The following COL13A1 variants were observed in gnomAD, a reference collection of about 807,000 sequenced individuals.
COL13A1 encodes collagen type XIII alpha 1 chain.
COL13A1 carries 89 observed loss-of-function variants against 130.9 expected under a neutral mutation model. That is an observed-to-expected ratio of 0.68 (90% confidence interval 0.57 to 0.81). COL13A1 has a LOEUF of 0.81. Ranked by LOEUF, COL13A1 falls within the 30% of genes least tolerant of loss-of-function variation. The pLI, the probability that COL13A1 is intolerant of heterozygous loss-of-function variation, is 0.00. For missense variants in COL13A1, 879 were observed against 934.6 expected (o/e 0.94, Z 0.78); for synonymous variants, 402 against 341.6 (o/e 1.18, Z -1.95).
chr10:69,930,035 G>C lies in COL13A1; in HGVS notation c.1486-8G>C. On this transcript the variant is annotated splice_polypyrimidine_tract_variant and splice_region_variant and intron_variant, in intron 28 of 40. Coordinates refer to ENST00000645393, the MANE Select transcript of COL13A1 (RefSeq NM_001368882.1). The stretch of plus-strand genomic sequence containing the variant: ...CCTGAGAGTCACCTTTAGTTGTTCC[G>C]GTTACAGGGGGAGATTGGACTGCCA... 6.2e-7 allele frequency: 1 copy of C among 1,613,768 alleles called. No individual in the cohort carries two copies. The highest frequency in any genetic ancestry group is 8.5e-7 in the Non-Finnish European group (1 of 1,179,674).
In COL13A1 at chr10:69,894,596, C is replaced by T; in HGVS notation, c.630+18C>T. 2 of 1,614,022 alleles carry T rather than the reference C, an allele frequency of 1.2e-6. No individual in the cohort carries two copies. The highest frequency in any genetic ancestry group is 3.3e-5 in the Admixed American group (2 of 60,028). Reference sequence around the variant, plus strand: ...GACAGCCGGTTGGTACCTCATCCATCTATTTCCCAGCAGAGAAGCTTCCGG... The same window carrying T: ...GACAGCCGGTTGGTACCTCATCCATTTATTTCCCAGCAGAGAAGCTTCCGG... On this transcript the variant is annotated intron_variant, in intron 11 of 40. Transcript: ENST00000645393.
intron 2 of COL13A1, among the ~76,000 whole-genome samples, chr10:69,829,870 C>T (rs938970480): frequency 6.6e-6 from 1 of 152,240 alleles, no homozygotes; most frequent in Non-Finnish European, 1.5e-5. Context: ...TCAGAAATTC[C>T]TGGGGAATTC....
chr10:69,823,467 G>A (rs1227764), intron 2 of COL13A1, among the ~76,000 whole-genome samples: 91,531 of 152,080 alleles, frequency 0.6, 28,107 homozygotes, highest in South Asian at 0.74. Context: ...CCAGCTCAGC[G>A]TGTGGCCTCC....
At chr10:69,930,217 G>C in intron 29 of COL13A1, 130 bp downstream of exon 29, 2 of 1,090,250 alleles carry the variant, frequency 1.8e-6, no homozygotes, top group South Asian at 1.5e-5. Context: ...AGATGGGGGG[G>C]GGCAGGGAGA....
chr10:69,922,057 G>T, intron 22 of COL13A1, 122 bp downstream of exon 22: 3 of 1,257,274 alleles, frequency 2.4e-6, no homozygotes, highest in Non-Finnish European at 2.2e-6. Flanking sequence ...AGGAAAGGCA[G>T]CTGGAACACA....
chr10:69,822,333 C>T, intron 1 of COL13A1, 36 bp from the exon 2 acceptor site: 2 of 1,529,840 alleles, frequency 1.3e-6, no homozygotes, highest in Non-Finnish European at 1.8e-6. Flanking sequence ...TGTCTACGAG[C>T]TCCTGGTGAC....
chr10:69,803,716 T>TA (rs1163217808), intron 1 of COL13A1, among the ~76,000 whole-genome samples: 7 of 152,022 alleles, frequency 4.6e-5, no homozygotes, highest in Non-Finnish European at 8.8e-5. Flanking sequence ...TGTGCAGCAG[T>TA]AAAGATCACG....
At chr10:69,894,243 C>A (rs1387287442) in intron 10 of COL13A1, among the ~76,000 whole-genome samples, 1 of 152,186 alleles carries the variant, frequency 6.6e-6, no homozygotes, top group African/African-American at 2.4e-5. Flanking sequence ...TAGGGGGTCC[C>A]ATGGAGCAGA....
At chr10:69,822,727 A>G (rs559776368) in intron 2 of COL13A1, among the ~76,000 whole-genome samples, 1 of 152,318 alleles carries the variant, frequency 6.6e-6, no homozygotes, top group African/African-American at 2.4e-5. Context: ...GACTGTTTTG[A>G]AAGTTATGAA....
At chr10:69,917,971 A>C in intron 18 of COL13A1, among the ~76,000 whole-genome samples, 5 of 141,130 alleles carry the variant, frequency 3.5e-5, no homozygotes, top group Non-Finnish European at 3.1e-5. Flanking sequence ...CACCCCAGGG[A>C]CCCCCTCCCA....
At chr10:69,829,008 C>A (rs570220292) in intron 2 of COL13A1, among the ~76,000 whole-genome samples, 40 of 152,302 alleles carry the variant, frequency 2.6e-4, no homozygotes, top group African/African-American at 9.1e-4. Flanking sequence ...CCACACTGGG[C>A]AGCTTCCTTG....
At chr10:69,880,471 C>A (rs948064555) in intron 6 of COL13A1, 32 bp from the exon 7 acceptor site, 1 of 1,322,456 alleles carries the variant, frequency 7.6e-7, no homozygotes, top group Non-Finnish European at 1.1e-6. Context: ...CCCTGCCCCT[C>A]GCTCCCTCTC....
intron 12 of COL13A1, among the ~76,000 whole-genome samples, 178 bp from the exon 13 acceptor site, chr10:69,895,372 G>A (rs1399054840): frequency 2.6e-5 from 4 of 152,188 alleles, no homozygotes; most frequent in Non-Finnish European, 4.4e-5. Context: ...CCTGCTGCTA[G>A]CCAGGGGCAA....
intron 38 of COL13A1, among the ~76,000 whole-genome samples, chr10:69,950,983 G>A (rs2069454297): frequency 6.6e-6 from 1 of 152,152 alleles, no homozygotes; most frequent in South Asian, 2.1e-4. Flanking sequence ...CGAGTAGCTA[G>A]GATTACAGGC....
Position 69,859,078 on chromosome 10 carries a change from T to C in COL13A1, c.365-8720T>C, listed in dbSNP as rs149101813. Among the ~76,000 whole-genome samples the C allele has an allele frequency of 3.0e-4, 45 of 152,298 alleles. 1 individual carries two copies. In the Middle Eastern group the frequency reaches 0.017, roughly 58 times the overall value. ...ACTTTGACCTCTCTGTGGCTCAGTT[T>C]CCTCCACTGTTAGGTGTGGACAATA... On this transcript the variant is annotated intron_variant, in intron 2 of 40. Coordinates refer to ENST00000645393, the MANE Select transcript of COL13A1 (RefSeq NM_001368882.1).
intron 4 of COL13A1, among the ~76,000 whole-genome samples, chr10:69,874,189 T>C (rs991833882): frequency 1.3e-5 from 2 of 152,244 alleles, no homozygotes; most frequent in African/African-American, 4.8e-5. Context: ...ATTGCTTCTC[T>C]CTGGTGTGCC....
At chr10:69,823,369 G>A (rs1048777847) in intron 2 of COL13A1, among the ~76,000 whole-genome samples, 1 of 152,188 alleles carries the variant, frequency 6.6e-6, no homozygotes, top group African/African-American at 2.4e-5. Context: ...CTTTAGAGGT[G>A]GGGAAGGAAG....
chr10:69,945,291 T>A (rs1256861798), intron 36 of COL13A1, among the ~76,000 whole-genome samples: 1 of 152,242 alleles, frequency 6.6e-6, no homozygotes, highest in Non-Finnish European at 1.5e-5. Context: ...ACCAGGAGGC[T>A]GCTCTGAGAG....
chr10:69,861,018 G>C (rs1260868453), intron 2 of COL13A1, among the ~76,000 whole-genome samples: 1 of 152,208 alleles, frequency 6.6e-6, no homozygotes, highest in Non-Finnish European at 1.5e-5. Context: ...ACGCAGAGGA[G>C]GTAACCAAGA....
Sources: gnomAD v4.1 joint callset for allele counts (sites outside exome capture counted in the v4.1 genomes callset) on GRCh38, gnomAD v4.1.1 for gene constraint, MANE v1.5 for transcripts, NCBI Gene and HGNC (gene_info 2026-07-23, HGNC 2026-07-21) for gene names.